The following PCDH15 variants were observed in gnomAD, a reference collection of about 807,000 sequenced individuals.
PCDH15 encodes the protein protocadherin-15.
Under a neutral mutation model 178.5 loss-of-function variants are expected in PCDH15, and 129 were observed. The ratio of observed to expected loss-of-function variants is 0.72; its 90% CI spans 0.63 to 0.84. PCDH15 has a LOEUF of 0.84. Among genes scored for constraint, PCDH15 ranks in the 40% least tolerant of loss-of-function variants. The probability of loss-of-function intolerance (pLI) is 0.00; values close to 1 mark genes in which losing one functional copy is unlikely to be tolerated. For synonymous variants in PCDH15, 800 were observed against 732.0 expected, an observed-to-expected ratio of 1.09 and a Z score of -1.50; for missense variants, 2,230 against 2,099.9, an observed-to-expected ratio of 1.06 and a Z score of -1.21.
chr10:54,375,487 G>T (rs1210417215), intron 4 of PCDH15, among the ~76,000 whole-genome samples: 3 of 151,912 alleles, frequency 2.0e-5, no homozygotes, highest in Non-Finnish European at 4.4e-5. Flanking sequence ...TATGCTATTG[G>T]TATTGTTAAT....
intron 3 of PCDH15, among the ~76,000 whole-genome samples, chr10:54,895,281 A>G (rs536553658): frequency 6.6e-6 from 1 of 152,194 alleles, no homozygotes; most frequent in East Asian, 1.9e-4. Flanking sequence ...TTACTGCCTC[A>G]GGGATTATAC....
intron 2 of PCDH15, among the ~76,000 whole-genome samples, chr10:55,540,125 T>C (rs542626632): frequency 1.3e-5 from 2 of 152,230 alleles, no homozygotes; most frequent in South Asian, 4.1e-4. Context: ...ACAACTCAGA[T>C]TGTGCCTTAA....
chr10:54,196,287 C>T (rs899590708), intron 10 of PCDH15, among the ~76,000 whole-genome samples: 6 of 152,140 alleles, frequency 3.9e-5, no homozygotes, highest in Non-Finnish European at 8.8e-5. Context: ...GGACTACAGG[C>T]GCCCACCACC....
At chr10:53,840,188 T>A in intron 29 of PCDH15, 132 bp downstream of exon 29, 2 of 1,122,304 alleles carry the variant, frequency 1.8e-6, no homozygotes, top group Non-Finnish European at 2.6e-6. Flanking sequence ...TATTTCAGGT[T>A]CTTTGCTTAC....
intron 18 of PCDH15, among the ~76,000 whole-genome samples, chr10:54,034,455 G>T (rs1224037118): frequency 2.0e-5 from 3 of 151,778 alleles, no homozygotes; most frequent in Non-Finnish European, 2.9e-5. Context: ...TCTCCAAATT[G>T]GTTGATTTAA....
Position 53,883,008 on chromosome 10 carries a change from GT to G in PCDH15, c.3502-16152del, listed in dbSNP as rs576522835. On this transcript the variant is annotated intron_variant, in intron 26 of 37. Transcript: ENST00000644397. ...TTACAGGCATCATTAACACATTGGT[GT>G]TTGTTCCTTTATGTTTTTTTGATGT... 1.6e-4 allele frequency among the ~76,000 whole-genome samples: 25 copies of G among 152,024 alleles called. 2 individuals carry two copies. In the South Asian group the frequency reaches 5.2e-3, roughly 32 times the overall value.
chr10:54,673,134 C>T (rs921174696), intron 1 of PCDH15, among the ~76,000 whole-genome samples: 1 of 151,910 alleles, frequency 6.6e-6, no homozygotes, highest in African/African-American at 2.4e-5. Flanking sequence ...AGGTTTGTTA[C>T]GTGGGTATAC....
intron 2 of PCDH15, among the ~76,000 whole-genome samples, chr10:54,605,329 G>C (rs2092699114): frequency 6.6e-6 from 1 of 151,882 alleles, no homozygotes; most frequent in Admixed American, 6.6e-5. Flanking sequence ...GACAAGTCTA[G>C]TGGCAATAAA....
chr10:55,321,115 G>A (rs1024670827), upstream of PCDH15, among the ~76,000 whole-genome samples: 1 of 150,898 alleles, frequency 6.6e-6, no homozygotes, highest in African/African-American at 2.4e-5. Context: ...AGGAAAGAGA[G>A]AGAAAGAGAA....
chr10:55,034,421 C>A (rs999507316), intron 2 of PCDH15, among the ~76,000 whole-genome samples: 1 of 152,156 alleles, frequency 6.6e-6, no homozygotes, highest in Admixed American at 6.5e-5. Context: ...AGAGCAGACT[C>A]AAGAACTTGA....
chr10:54,801,242 T>C (rs568520849), upstream of PCDH15: 2 of 152,320 alleles, frequency 1.3e-5, no homozygotes, highest in East Asian at 1.9e-4. Flanking sequence ...ACTAAGCTGC[T>C]AGCAGGAATC....
chr10:54,957,130 C>T (rs150794091), intron 2 of PCDH15, among the ~76,000 whole-genome samples: 38 of 151,734 alleles, frequency 2.5e-4, no homozygotes, highest in African/African-American at 8.9e-4. Flanking sequence ...TTCTAACTAT[C>T]ATGTGGGGAT....
intron 2 of PCDH15, among the ~76,000 whole-genome samples, chr10:54,923,787 C>G (rs1837550987): frequency 7.2e-6 from 1 of 138,074 alleles, no homozygotes; most frequent in Non-Finnish European, 1.7e-5. Flanking sequence ...ACATAACTAT[C>G]AGTATTTTGT....
intron 3 of PCDH15, among the ~76,000 whole-genome samples, chr10:54,419,569 C>G (rs1183815046): frequency 6.6e-6 from 1 of 151,994 alleles, no homozygotes; most frequent in Non-Finnish European, 1.5e-5. Context: ...TCTGTTCCAC[C>G]TCATGAAAGT....
chr10:55,233,374 G>A (rs1033399889), intron 1 of PCDH15, among the ~76,000 whole-genome samples: 2 of 152,066 alleles, frequency 1.3e-5, no homozygotes, highest in African/African-American at 2.4e-5. Context: ...ATAATTAGAT[G>A]CTTTACTGCT....
chr10:53,952,894 T>C (rs946304807), intron 23 of PCDH15, among the ~76,000 whole-genome samples: 1 of 152,240 alleles, frequency 6.6e-6, no homozygotes, highest in African/African-American at 2.4e-5. Context: ...CGGGGCTTGA[T>C]GACAGCTTTG....
intron 2 of PCDH15, among the ~76,000 whole-genome samples, chr10:55,101,861 T>A (rs1241298360): frequency 1.3e-5 from 2 of 151,720 alleles, no homozygotes; most frequent in East Asian, 3.9e-4. Flanking sequence ...TAGATCTATA[T>A]TTTTCTTACA....
chr10:55,078,454 TA>T (rs1832838287), intron 2 of PCDH15, among the ~76,000 whole-genome samples: 1 of 152,164 alleles, frequency 6.6e-6, no homozygotes, highest in African/African-American at 2.4e-5. Context: ...ATAATTTGTA[TA>T]TGTAGTCACT....
intron 8 of PCDH15, among the ~76,000 whole-genome samples, chr10:54,239,585 C>T (rs957641656): frequency 2.0e-5 from 3 of 151,856 alleles, no homozygotes; most frequent in Non-Finnish European, 1.5e-5. Flanking sequence ...CCATTTGGTA[C>T]TGTGTGACTA....
Sources: allele counts gnomAD v4.1 joint callset (sites outside exome capture counted in the v4.1 genomes callset), GRCh38; gene constraint gnomAD v4.1.1; transcripts MANE v1.5; gene names NCBI Gene and HGNC (gene_info 2026-07-23, HGNC 2026-07-21).